Variants in VSTM4 observed in about 807,000 individuals in gnomAD.
VSTM4 encodes V-set and transmembrane domain containing 4.
A neutral mutation model predicts 36.4 loss-of-function variants in VSTM4; 20 were observed. That is an observed-to-expected ratio of 0.55 (90% confidence interval 0.39 to 0.80). VSTM4 has a LOEUF of 0.80. VSTM4 is among the 30% of genes least tolerant of loss of function. The probability of loss-of-function intolerance (pLI) is 0.00; values close to 1 mark genes in which losing one functional copy is unlikely to be tolerated. For missense variants in VSTM4, 392 were observed against 404.5 expected (o/e 0.97, Z 0.26); for synonymous variants, 182 against 173.9 (o/e 1.05, Z -0.37).
intron 2 of VSTM4, among the ~76,000 whole-genome samples, chr10:49,093,021 G>A (rs1374950245): frequency 1.3e-5 from 2 of 152,112 alleles, no homozygotes; most frequent in Non-Finnish European, 1.5e-5. Context: ...TTGACTGGGA[G>A]CTACTTGTAC....
At chr10:49,062,975 T>A (rs1287189510) in intron 5 of VSTM4, among the ~76,000 whole-genome samples, 18 of 152,050 alleles carry the variant, frequency 1.2e-4, no homozygotes, top group Admixed American at 1.3e-4. Flanking sequence ...TTGGCTGAGA[T>A]TTTTTTATTT....
At chr10:49,064,857 A>C (rs1843945223) in intron 4 of VSTM4, 121 bp from the exon 5 acceptor site, 1 of 966,934 alleles carries the variant, frequency 1.0e-6, no homozygotes, top group Non-Finnish European at 1.6e-6. Context: ...TATACCACCC[A>C]ACTCTCAAGA....
chr10:49,102,797 C>T, intron 2 of VSTM4: 1 of 966,046 alleles, frequency 1.0e-6, no homozygotes, highest in Non-Finnish European at 1.2e-6. Context: ...TATTGAGGAT[C>T]AACTGTGTAC....
At chr10:49,052,548 A>G (rs1026359330) in intron 5 of VSTM4, among the ~76,000 whole-genome samples, 2 of 15,196 alleles carry the variant, frequency 1.3e-4, no homozygotes, top group African/African-American at 1.4e-4. Flanking sequence ...GGACATATTT[A>G]TTGAAAAATA....
At chr10:49,026,569 C>T (rs1038128730) in intron 7 of VSTM4, among the ~76,000 whole-genome samples, 2 of 152,108 alleles carry the variant, frequency 1.3e-5, no homozygotes, top group African/African-American at 4.8e-5. Flanking sequence ...CAGAAGTGAC[C>T]AGATGTTGGG....
chr10:49,088,222 T>C (rs1238066887), intron 2 of VSTM4, among the ~76,000 whole-genome samples: 3 of 152,158 alleles, frequency 2.0e-5, no homozygotes, highest in Non-Finnish European at 4.4e-5. Flanking sequence ...TGGCTATATC[T>C]TCTACCTCTG....
At chr10:49,041,109 A>C (rs1843514752) in intron 7 of VSTM4, among the ~76,000 whole-genome samples, 1 of 152,210 alleles carries the variant, frequency 6.6e-6, no homozygotes. Flanking sequence ...GATCTAAGAG[A>C]TAAATATCGA....
At chr10:49,068,170 C>A (rs1844007389) in intron 4 of VSTM4, among the ~76,000 whole-genome samples, 1 of 152,224 alleles carries the variant, frequency 6.6e-6, no homozygotes, top group South Asian at 2.1e-4. Context: ...CTCAGAGACA[C>A]TGGGCAGCTG....
intron 7 of VSTM4, among the ~76,000 whole-genome samples, chr10:49,040,498 C>A (rs116076535): frequency 6.6e-6 from 1 of 152,022 alleles, no homozygotes; most frequent in African/African-American, 2.4e-5. Context: ...ATTGGCCGGG[C>A]GAGTCTCAAA....
At chr10:49,080,028 G>A (rs974995142) in intron 3 of VSTM4, among the ~76,000 whole-genome samples, 1 of 152,070 alleles carries the variant, frequency 6.6e-6, no homozygotes, top group Non-Finnish European at 1.5e-5. Context: ...TATCAGCAAT[G>A]ATTTAACAAT....
intron 2 of VSTM4, among the ~76,000 whole-genome samples, chr10:49,089,284 T>C (rs1844429704): frequency 6.6e-6 from 1 of 152,052 alleles, no homozygotes; most frequent in Non-Finnish European, 1.5e-5. Flanking sequence ...TACAGGGACT[T>C]TCACTTGTTT....
chr10:49,094,843 C>G (rs778677786), intron 2 of VSTM4, among the ~76,000 whole-genome samples: 1 of 152,136 alleles, frequency 6.6e-6, no homozygotes, highest in Non-Finnish European at 1.5e-5. Flanking sequence ...TGTTTCTGCT[C>G]TCAGGCACTG....
At chr10:49,086,121 C>A in intron 2 of VSTM4, 98 bp from the exon 3 acceptor site, 1 of 742,798 alleles carries the variant, frequency 1.3e-6, no homozygotes, top group Non-Finnish European at 2.2e-6. Context: ...TTTGCAAAAC[C>A]ACATTTAGTT....
chr10:49,079,519 T>C (rs552274883), intron 3 of VSTM4, among the ~76,000 whole-genome samples: 18 of 152,372 alleles, frequency 1.2e-4, no homozygotes, highest in African/African-American at 4.3e-4. Context: ...TATTTGAACT[T>C]AGCAAAAATG....
chr10:49,098,268 T>G lies in VSTM4; in HGVS notation c.457+9326A>C, dbSNP rs537831080. Among the ~76,000 whole-genome samples, 5 of 152,314 alleles carry G rather than the reference T, an allele frequency of 3.3e-5. No homozygotes were observed. The East Asian group carries it at 7.7e-4, about 24-fold the overall frequency. On this transcript the variant is annotated intron_variant, in intron 2 of 7. Transcript: ENST00000332853. ...GGCTGGGCAGGGCATTATTGTGCAC[T>G]CCACTTCATCACGTCTCACCTGCAG... is the stretch of plus-strand genomic sequence containing the variant.
At chr10:49,040,415 T>C (rs951241306) in intron 7 of VSTM4, among the ~76,000 whole-genome samples, 9 of 152,102 alleles carry the variant, frequency 5.9e-5, no homozygotes, top group Non-Finnish European at 1.2e-4. Flanking sequence ...CCTAAGTAGC[T>C]GGGATTACAG....
intron 7 of VSTM4, among the ~76,000 whole-genome samples, chr10:49,032,938 CTTT>C (rs10713552): frequency 1.3e-4 from 19 of 143,224 alleles, no homozygotes; most frequent in Non-Finnish European, 1.5e-4. Context: ...CACTCTGATT[CTTT>C]TTTTTTTTTT....
In VSTM4 at chr10:49,015,870, G is replaced by C. The variant is rs1172794490; in HGVS notation, c.*3780C>G. On this transcript the variant is annotated 3_prime_UTR_variant, in exon 8 of 8. Coordinates refer to ENST00000332853, the MANE Select transcript of VSTM4 (RefSeq NM_001031746.5). ...ACCACGCTGTTCCCTTCCACTTATT[G>C]GTGCCAGTGCCCCTCAGTCCTCCTC... 6.6e-6 allele frequency: 1 copy of C among 152,326 alleles called. No individual in the cohort carries two copies. Among genetic ancestry groups the C allele is most frequent in the Non-Finnish European group, 1.5e-5 (1 of 68,140 alleles). 9.4% of individuals were successfully genotyped at this position (152,326 alleles called of 1,614,324 possible). A position where few individuals can be genotyped will look rare whatever the true frequency, so the allele number is the denominator to read the frequency against.
At chr10:49,102,508 A>C (rs774629280) in intron 2 of VSTM4, 1 of 985,466 alleles carries the variant, frequency 1.0e-6, no homozygotes, top group Non-Finnish European at 1.2e-6. Context: ...ATGACCACAT[A>C]ATGTTGTGTC....
Sources: gnomAD v4.1 joint callset for allele counts (sites outside exome capture counted in the v4.1 genomes callset) on GRCh38, gnomAD v4.1.1 for gene constraint, MANE v1.5 for transcripts, NCBI Gene and HGNC (gene_info 2026-07-23, HGNC 2026-07-21) for gene names.